The following LRWD1 variants were observed in gnomAD, a reference collection of about 807,000 sequenced individuals.
LRWD1 encodes leucine-rich repeat and WD repeat-containing protein 1.
In LRWD1, 76 loss-of-function variants were observed where a neutral mutation model predicts 75.6. The ratio of observed to expected loss-of-function variants is 1.01; its 90% CI spans 0.84 to 1.22. LRWD1 has a LOEUF of 1.22. Among genes scored for constraint, LRWD1 ranks in the 50% most tolerant of loss-of-function variants. The probability of loss-of-function intolerance (pLI) is 0.00; values close to 1 mark genes in which losing one functional copy is unlikely to be tolerated. For synonymous variants in LRWD1, 487 were observed against 377.0 expected (o/e 1.29, Z -3.38); for missense variants, 917 against 862.0 (o/e 1.06, Z -0.80).
At position 102,467,821 on chromosome 7, in the gene LRWD1, A is replaced by C. The variant is rs529846798; in HGVS notation, c.676A>C (p.Arg226=). The C allele has an allele frequency of 3.0e-5, 47 of 1,549,780 alleles. No homozygotes were observed. The highest frequency in any genetic ancestry group is 3.8e-5 in the Non-Finnish European group (44 of 1,146,858). Residue 226 remains arginine, a splice_region_variant and synonymous_variant, in exon 5 of 15, where the codon AGG becomes CGG. Transcript: ENST00000292616. ...AGAAGCTGGAGCTGCCCACAAGCCC[A>C]GGGTGAGTGCAGCTCCCAGGGCTCT... ...PPEAGAAHKP[R]ARLAALKRPD... is the part of the protein sequence containing the mutation.
intron 5 of LRWD1, 22 bp downstream of exon 5, chr7:102,467,845 C>T (rs71559472): frequency 4.5e-5 from 70 of 1,547,006 alleles, no homozygotes; most frequent in Non-Finnish European, 6.0e-5. Context: ...TCCCAGGGCT[C>T]TGAGGCCAGC....
chr7:102,467,943 T>C, intron 5 of LRWD1, 119 bp from the exon 6 acceptor site: 3 of 1,506,394 alleles, frequency 2.0e-6, no homozygotes, highest in Non-Finnish European at 2.7e-6. Context: ...GCTCACTCCC[T>C]AGGTGACCCC....
chr7:102,465,737 A>T, intron 1 of LRWD1, 80 bp from the exon 2 acceptor site: 1 of 1,012,190 alleles, frequency 9.9e-7, no homozygotes, highest in Non-Finnish European at 1.5e-6. Context: ...CAGGTGAAAA[A>T]GCCTTCTGAG....
In LRWD1 at chr7:102,464,990, C is replaced by T. The variant is rs1311117494; in HGVS notation, c.-91C>T. 4.4e-6 allele frequency: 6 copies of T among 1,350,240 alleles called. No individual in the cohort carries two copies. Among genetic ancestry groups the T allele is most frequent in the South Asian group, 1.7e-5 (1 of 58,540 alleles). 83.6% of individuals were successfully genotyped at this position (1,350,240 alleles called of 1,614,324 possible). ...GGCGCCGCCTCCTGGGCTCAGTTAC[C>T]GCGGACGCCAGTGCCGGGCTCCAGG... is the stretch of plus-strand genomic sequence containing the variant. On this transcript the variant is annotated 5_prime_UTR_variant, in exon 1 of 15. Coordinates refer to ENST00000292616, the MANE Select transcript of LRWD1 (RefSeq NM_152892.3).
rs75779918 is a variant in LRWD1 at position 102,472,019 on chromosome 7, C to G, written c.1443-199C>G. ...GTGCCTCTGGGTCACTACTGTGACTCGGGACACTCAGGTGCTGGCTCCCCC... is the reference window on the plus strand; with the variant it reads ...GTGCCTCTGGGTCACTACTGTGACTGGGGACACTCAGGTGCTGGCTCCCCC... On this transcript the variant is annotated intron_variant, in intron 11 of 14. Coordinates refer to ENST00000292616, the MANE Select transcript of LRWD1 (RefSeq NM_152892.3). The G allele has an allele frequency of 5.0e-3, 2,888 of 580,396 alleles. 72 individuals are homozygous for G. The highest frequency in any genetic ancestry group is 0.048 in the African/African-American group (2,592 of 53,586). The allele number at this position is 580,396 out of a possible 1,614,324, so 36.0% of individuals were successfully genotyped here. A position where few individuals can be genotyped will look rare whatever the true frequency, so the allele number is the denominator to read the frequency against.
Position 102,467,701 on chromosome 7 carries a change from T to C in LRWD1, c.574-18T>C. The C allele has an allele frequency of 6.5e-7, 1 of 1,549,902 alleles. No homozygotes were observed. The highest frequency in any genetic ancestry group is 8.7e-7 in the Non-Finnish European group (1 of 1,145,606). On this transcript the variant is annotated intron_variant, in intron 4 of 14. Transcript: ENST00000292616. The stretch of plus-strand genomic sequence containing the variant: ...CCTGGGACTCTGCCCAGCTTCCTGA[T>C]GGCCTGGCCCCACCCAGGTGCGGAT...
intron 9 of LRWD1, 139 bp from the exon 10 acceptor site, chr7:102,469,435 C>G: frequency 2.1e-6 from 2 of 936,250 alleles, no homozygotes; most frequent in Non-Finnish European, 1.6e-6. Flanking sequence ...CAGGAGTGTT[C>G]CTGTCTCCTA....
In LRWD1 at chr7:102,465,146, G is replaced by C. The variant is rs553520557; in HGVS notation, c.66G>C (p.Lys22Asn). ...GCCCCAAGAGCGACCGGCTGGGGAAGATCCGGAGTCTGGAGTAAGAGCCGG... is the reference window on the plus strand; with the variant it reads ...GCCCCAAGAGCGACCGGCTGGGGAACATCCGGAGTCTGGAGTAAGAGCCGG... ...RGRPKSDRLG[K>N]IRSLDLSGLE... is the part of the protein sequence containing the mutation. The change falls in exon 1 of 15, where the codon AAG becomes AAC. Residue 22 changes from lysine to asparagine, a missense_variant. Coordinates refer to ENST00000292616, the MANE Select transcript of LRWD1 (RefSeq NM_152892.3). The C allele has an allele frequency of 1.3e-6, 2 of 1,514,324 alleles. No homozygotes were observed. Among genetic ancestry groups the C allele is most frequent in the Non-Finnish European group, 8.8e-7 (1 of 1,135,786 alleles). The allele number at this position is 1,514,324 out of a possible 1,614,324, so 93.8% of individuals were successfully genotyped here. A position where few individuals can be genotyped will look rare whatever the true frequency, so the allele number is the denominator to read the frequency against.
intron 1 of LRWD1, 43 bp downstream of exon 1, chr7:102,465,203 G>C: frequency 7.1e-7 from 1 of 1,407,910 alleles, no homozygotes; most frequent in South Asian, 1.6e-5. Flanking sequence ...TCGGGGCCGG[G>C]CGGTCGGGGA....
intron 3 of LRWD1, among the ~76,000 whole-genome samples, chr7:102,467,118 G>GGGGTGT (rs71106687): frequency 8.7e-6 from 1 of 114,446 alleles, no homozygotes; most frequent in Non-Finnish European, 1.7e-5. Context: ...TTGTTGCTGG[G>GGGGTGT]GTGTGTGTGT....
In LRWD1 at chr7:102,469,490, C is replaced by T. The variant is rs866927092; in HGVS notation, c.1229-84C>T. 1.9e-5 allele frequency: 29 copies of T among 1,525,240 alleles called. No homozygotes were observed. In the Middle Eastern group the frequency reaches 5.1e-4, roughly 27 times the overall value. 94.5% of individuals were successfully genotyped at this position (1,525,240 alleles called of 1,614,324 possible). ...GCCTCGGAGGGGCTGGCCTTGGGAC[C>T]GTGGGCTCAGCCTGGGATGCAGCCA... On this transcript the variant is annotated intron_variant, in intron 9 of 14. Transcript: ENST00000292616.
In LRWD1 at chr7:102,465,489, CTTTTTTTTTTTTTTTTT is replaced by C. The variant is rs1007523343; in HGVS notation, c.81-308_81-292del. On this transcript the variant is annotated intron_variant, in intron 1 of 14. Transcript: ENST00000292616. ...CCCCCGAGTCCTAAAGTAGTTGCAGCTTTTTTTTTTTTTTTTTTTTTTTTTTTTTTTTTTTTGTTAAG... is the reference window on the plus strand; with the variant it reads ...CCCCCGAGTCCTAAAGTAGTTGCAGCTTTTTTTTTTTTTTTTTTTGTTAAG... 1.6e-4 allele frequency: 12 copies of C among 73,714 alleles called. 1 individual carries two copies. Among genetic ancestry groups the C allele is most frequent in the Admixed American group, 6.4e-4 (3 of 4,656 alleles). 4.6% of individuals were successfully genotyped at this position (73,714 alleles called of 1,614,324 possible).
At position 102,468,845 on chromosome 7, in the gene LRWD1, C is replaced by T. The variant is rs754062196; in HGVS notation, c.1021-10C>T. 3.7e-6 allele frequency: 6 copies of T among 1,608,524 alleles called. No individual in the cohort carries two copies. The African/African-American group carries it at 8.0e-5, about 21-fold the overall frequency. On this transcript the variant is annotated splice_polypyrimidine_tract_variant and intron_variant, in intron 8 of 14. Transcript: ENST00000292616. ...TGCCCCAGTGACTGTTTACTCTAAC[C>T]CCCGCCCAGGAGTTCTTTTCTGTGG... is the stretch of plus-strand genomic sequence containing the variant.
intron 11 of LRWD1, chr7:102,470,224 G>C (rs1798145433): frequency 4.2e-6 from 1 of 238,980 alleles, no homozygotes. Context: ...TCTGTAAAGA[G>C]GGGCCGATGG....
intron 9 of LRWD1, 74 bp downstream of exon 9, chr7:102,469,136 C>G: frequency 7.3e-7 from 1 of 1,364,750 alleles, no homozygotes; most frequent in Non-Finnish European, 1.0e-6. Context: ...CCACGCTCCC[C>G]TCCCTGGGAT....
intron 4 of LRWD1, 31 bp downstream of exon 4, chr7:102,467,510 A>G: frequency 5.0e-6 from 8 of 1,604,218 alleles, no homozygotes; most frequent in Non-Finnish European, 6.0e-6. Flanking sequence ...GCAGGGAGTC[A>G]CTGGCTCTCG....
At chr7:102,467,950 C>T in intron 5 of LRWD1, 112 bp from the exon 6 acceptor site, 1 of 1,509,414 alleles carries the variant, frequency 6.6e-7, no homozygotes, top group Non-Finnish European at 8.9e-7. Context: ...CCCTAGGTGA[C>T]CCCGGGCCAG....
chr7:102,469,445 A>G (rs748061986), intron 9 of LRWD1, 129 bp from the exon 10 acceptor site: 3 of 1,030,710 alleles, frequency 2.9e-6, no homozygotes, highest in Non-Finnish European at 4.4e-6. Context: ...CCTGTCTCCT[A>G]GCCTCGGCCC....
rs540078043 is a variant in LRWD1, at chr7:102,469,084, CT to C, written c.1228+23del. The C allele has an allele frequency of 3.6e-5, 56 of 1,563,550 alleles. No individual in the cohort carries two copies. The Middle Eastern group carries it at 1.8e-3, about 51-fold the overall frequency. On this transcript the variant is annotated intron_variant, in intron 9 of 14. Coordinates refer to ENST00000292616, the MANE Select transcript of LRWD1 (RefSeq NM_152892.3). ...TTCAGTAAGCCCCTCCCCTTCACCC[CT>C]GGGACCCCCAAGCACCCCTGTCCTG...
Sources: gnomAD v4.1 joint callset for allele counts (sites outside exome capture counted in the v4.1 genomes callset) on GRCh38, gnomAD v4.1.1 for gene constraint, MANE v1.5 for transcripts, NCBI Gene and HGNC (gene_info 2026-07-23, HGNC 2026-07-21) for gene names.